The following AGBL1 variants were observed in gnomAD, a reference collection of about 807,000 sequenced individuals.
The protein encoded by AGBL1 is cytosolic carboxypeptidase 4.
In AGBL1, 130 loss-of-function variants were observed where a neutral mutation model predicts 118.9. The observed-to-expected ratio is 1.09, with a 90% CI of 0.95 to 1.26. The LOEUF is 1.26. Among genes scored for constraint, AGBL1 ranks in the 50% most tolerant of loss-of-function variants. The probability of loss-of-function intolerance (pLI) is 0.00; values close to 1 mark genes in which losing one functional copy is unlikely to be tolerated. For missense variants in AGBL1, 1,584 were observed against 1,298.1 expected (o/e 1.22, Z -3.38); for synonymous variants, 555 against 478.9 (o/e 1.16, Z -2.08).
intron 24 of AGBL1, among the ~76,000 whole-genome samples, chr15:87,001,619 C>A (rs924356420): frequency 1.3e-5 from 2 of 152,044 alleles, no homozygotes; most frequent in Non-Finnish European, 2.9e-5. Context: ...GTTCCTATTT[C>A]TCCACATCCT....
chr15:86,310,986 C>T (rs2079911705), intron 17 of AGBL1, among the ~76,000 whole-genome samples: 2 of 152,210 alleles, frequency 1.3e-5, no homozygotes, highest in Admixed American at 1.3e-4. Context: ...GGATTTCCTA[C>T]TGGATGCCCT....
At chr15:86,178,958 C>T (rs989633886) in intron 5 of AGBL1, among the ~76,000 whole-genome samples, 3 of 152,140 alleles carry the variant, frequency 2.0e-5, no homozygotes, top group African/African-American at 7.2e-5. Context: ...GACATGGGGC[C>T]AAAGGCTTTT....
At chr15:86,546,940 A>G (rs528868762) in intron 20 of AGBL1, among the ~76,000 whole-genome samples, 1 of 152,306 alleles carries the variant, frequency 6.6e-6, no homozygotes, top group South Asian at 2.1e-4. Context: ...TGGGTATGCA[A>G]TTTACTATGT....
intron 23 of AGBL1, among the ~76,000 whole-genome samples, chr15:86,952,780 T>A: frequency 6.6e-6 from 1 of 152,186 alleles, no homozygotes; most frequent in East Asian, 1.9e-4. Flanking sequence ...AAAGAATATT[T>A]CCTAGATTTT....
At chr15:86,732,909 A>G (rs2077544654) in intron 22 of AGBL1, among the ~76,000 whole-genome samples, 1 of 150,550 alleles carries the variant, frequency 6.6e-6, no homozygotes, top group Non-Finnish European at 1.5e-5. Flanking sequence ...ATCTACAAAT[A>G]TATATATAGA....
intron 21 of AGBL1, among the ~76,000 whole-genome samples, chr15:86,581,705 C>G (rs1013546487): frequency 1.3e-5 from 2 of 152,066 alleles, no homozygotes; most frequent in Non-Finnish European, 1.5e-5. Flanking sequence ...ACCTAGAAAT[C>G]AAATCTTCCT....
At chr15:86,257,203 G>GA (rs1156696584) in intron 8 of AGBL1, among the ~76,000 whole-genome samples, 185 bp downstream of exon 8, 1 of 152,156 alleles carries the variant, frequency 6.6e-6, no homozygotes, top group Non-Finnish European at 1.5e-5. Context: ...TTCATAAACA[G>GA]AAAAAACCAA....
chr15:86,432,308 A>G (rs562964159), intron 18 of AGBL1, among the ~76,000 whole-genome samples: 1 of 152,078 alleles, frequency 6.6e-6, no homozygotes, highest in Non-Finnish European at 1.5e-5. Context: ...ATCACATTAC[A>G]TTTGGTCCTC....
At position 86,613,200 on chromosome 15, in the gene AGBL1, G is replaced by C. The variant is rs1282817741; in HGVS notation, c.2994+58663G>C. On this transcript the variant is annotated intron_variant, in intron 21 of 22. Transcript: ENST00000614907. The surrounding 1 kb of genome is among the most constrained non-coding windows in gnomAD (Gnocchi z 4.2). ...GTCTCAGATACTTTTTGGTTTACAG[G>C]TACCTTAAAGAAGAAAACAAATTAA... 6.6e-6 allele frequency among the ~76,000 whole-genome samples: 1 copy of C among 152,174 alleles called. No individual in the cohort carries two copies. Among genetic ancestry groups the C allele is most frequent in the Non-Finnish European group, 1.5e-5 (1 of 68,028 alleles).
intron 16 of AGBL1, among the ~76,000 whole-genome samples, chr15:86,285,456 T>C (rs2079427138): frequency 6.6e-6 from 1 of 152,104 alleles, no homozygotes; most frequent in Non-Finnish European, 1.5e-5. Flanking sequence ...GCTGTTCTCA[T>C]GATAGTGAAT....
intron 17 of AGBL1, among the ~76,000 whole-genome samples, chr15:86,362,734 G>T (rs1304956663): frequency 6.6e-6 from 1 of 152,196 alleles, no homozygotes. Context: ...TCTGGACTGT[G>T]GTAGGGCAGG....
intron 21 of AGBL1, among the ~76,000 whole-genome samples, chr15:86,602,587 G>A (rs1164313400): frequency 6.6e-6 from 1 of 152,012 alleles, no homozygotes; most frequent in East Asian, 1.9e-4. Context: ...GATTTGTAGT[G>A]GGTTGAAAAA....
intron 22 of AGBL1, among the ~76,000 whole-genome samples, chr15:86,896,999 G>T (rs2080138782): frequency 6.6e-6 from 1 of 152,086 alleles, no homozygotes; most frequent in Admixed American, 6.5e-5. Flanking sequence ...TTGAGGTCTT[G>T]CATGTTAGAC....
At chr15:86,973,991 T>C (rs1487427589) in intron 23 of AGBL1, among the ~76,000 whole-genome samples, 1 of 138,820 alleles carries the variant, frequency 7.2e-6, no homozygotes, top group African/African-American at 2.6e-5. Flanking sequence ...TAAACATATT[T>C]AATATATTAA....
intron 17 of AGBL1, among the ~76,000 whole-genome samples, chr15:86,339,427 C>A (rs1447366780): frequency 1.3e-5 from 2 of 152,038 alleles, no homozygotes; most frequent in Non-Finnish European, 2.9e-5. Context: ...TTTTAGTTCC[C>A]TTTTTGGCTC....
At position 86,876,965 on chromosome 15, in the gene AGBL1, A is replaced by G. The variant is rs372391304; in HGVS notation, c.3159-30122A>G. Among the ~76,000 whole-genome samples the G allele has an allele frequency of 9.9e-5, 15 of 152,228 alleles. No homozygotes were observed. The East Asian group carries it at 2.3e-3, about 24-fold the overall frequency. ...CAATAATAAAAATAACAATAGCAATACAATCCGTATTGTCATTATTATTAT... is the reference window on the plus strand; with the variant it reads ...CAATAATAAAAATAACAATAGCAATGCAATCCGTATTGTCATTATTATTAT... On this transcript the variant is annotated intron_variant, in intron 22 of 22. Transcript: ENST00000614907.
intron 5 of AGBL1, among the ~76,000 whole-genome samples, chr15:86,160,825 A>G (rs1035496401): frequency 3.3e-5 from 5 of 152,174 alleles, no homozygotes; most frequent in African/African-American, 1.2e-4. Context: ...TGTTGTTTGG[A>G]AGGCTCCCCT....
At chr15:86,635,968 G>T (rs1302772629) in intron 21 of AGBL1, among the ~76,000 whole-genome samples, 1 of 152,118 alleles carries the variant, frequency 6.6e-6, no homozygotes, top group Non-Finnish European at 1.5e-5. Context: ...CTAATGGTGG[G>T]ATGGTAGCCA....
intron 22 of AGBL1, among the ~76,000 whole-genome samples, chr15:86,754,787 C>G (rs533375582): frequency 2.0e-5 from 3 of 152,048 alleles, no homozygotes; most frequent in Non-Finnish European, 4.4e-5. Flanking sequence ...TTTGTGTTCC[C>G]TGTTCAGAGG....
Sources: gnomAD v4.1 joint callset for allele counts (sites outside exome capture counted in the v4.1 genomes callset) on GRCh38, gnomAD v4.1.1 for gene constraint, Gnocchi (gnomAD v3.1) non-coding constraint, MANE v1.5 for transcripts, NCBI Gene and HGNC (gene_info 2026-07-23, HGNC 2026-07-21) for gene names.